Variants in GPC5 observed in about 807,000 individuals in gnomAD.
GPC5 encodes the protein glypican-5.
In GPC5, 47 loss-of-function variants were observed where a neutral mutation model predicts 53.9. The observed-to-expected ratio is 0.87, with a 90% CI of 0.69 to 1.11. GPC5 has a LOEUF of 1.11. GPC5 is among the 50% of genes most tolerant of loss of function. GPC5 has a pLI of 0.00. For missense variants in GPC5, 748 were observed against 713.1 expected, an observed-to-expected ratio of 1.05 and a Z score of -0.56; for synonymous variants, 286 against 263.3, an observed-to-expected ratio of 1.09 and a Z score of -0.84.
Position 92,742,318 on chromosome 13 carries a change from T to C in GPC5, c.1562-123964T>C, listed in dbSNP as rs536632334. On this transcript the variant is annotated intron_variant, in intron 7 of 7. Transcript: ENST00000377067. ...GGTATCTCATTGTGGTTTTGATTTG[T>C]GTTTCTCTGATGGCCAGTGATGGTG... Among the ~76,000 whole-genome samples the C allele has an allele frequency of 9.2e-5, 14 of 152,136 alleles. 1 individual carries two copies. The East Asian group carries it at 1.9e-3, about 21-fold the overall frequency.
chr13:91,931,857 A>G (rs1206218103), intron 6 of GPC5, among the ~76,000 whole-genome samples: 3 of 151,972 alleles, frequency 2.0e-5, no homozygotes, highest in Non-Finnish European at 4.4e-5. Context: ...AGTCTCTGAA[A>G]TACCTGGGAG....
intron 2 of GPC5, among the ~76,000 whole-genome samples, chr13:91,666,140 A>C (rs1211378998): frequency 6.6e-6 from 1 of 152,178 alleles, no homozygotes; most frequent in African/African-American, 2.4e-5. Context: ...AGGGCCTTTA[A>C]ACTTCTGAAG....
At chr13:92,249,075 C>T (rs2042673750) in intron 7 of GPC5, among the ~76,000 whole-genome samples, 1 of 151,844 alleles carries the variant, frequency 6.6e-6, no homozygotes, top group Non-Finnish European at 1.5e-5. Context: ...TTATGGGGTA[C>T]ATGAGATATT....
intron 2 of GPC5, among the ~76,000 whole-genome samples, chr13:91,472,856 G>T (rs1882710793): frequency 6.6e-6 from 1 of 152,120 alleles, no homozygotes; most frequent in South Asian, 2.1e-4. Context: ...GAGTGAACTT[G>T]TTATCATTTT....
chr13:92,707,071 C>A (rs1887976915), intron 7 of GPC5, among the ~76,000 whole-genome samples: 1 of 152,208 alleles, frequency 6.6e-6, no homozygotes, highest in South Asian at 2.1e-4. Context: ...ATGGTGGCAC[C>A]CTAATCTTGG....
intron 7 of GPC5, among the ~76,000 whole-genome samples, chr13:92,535,118 T>C (rs1289797500): frequency 3.3e-5 from 5 of 152,130 alleles, no homozygotes; most frequent in Non-Finnish European, 7.4e-5. Context: ...TTCTGGGAAA[T>C]GTCACAGACT....
chr13:92,068,241 A>G (rs1017039707), intron 6 of GPC5, among the ~76,000 whole-genome samples: 2 of 151,954 alleles, frequency 1.3e-5, no homozygotes, highest in Non-Finnish European at 2.9e-5. Flanking sequence ...ATATTCAAAA[A>G]GAAAAACTTT....
At position 91,405,730 on chromosome 13, in the gene GPC5, A is replaced by G. The variant is rs79075711; in HGVS notation, c.163+6521A>G. ...GCAGTCAAGCAGGATCCTACACTCC[A>G]ATGAACCGTGTGGTTGGTTTAATGT... is the stretch of plus-strand genomic sequence containing the variant. On this transcript the variant is annotated intron_variant, in intron 1 of 7. Coordinates refer to ENST00000377067, the MANE Select transcript of GPC5 (RefSeq NM_004466.6). 5.2e-3 allele frequency among the ~76,000 whole-genome samples: 797 copies of G among 152,184 alleles called. 10 individuals carry two copies. Among genetic ancestry groups the G allele is most frequent in the African/African-American group, 0.019 (775 of 41,540 alleles).
chr13:92,182,043 C>T (rs1295308436), intron 7 of GPC5, among the ~76,000 whole-genome samples: 2 of 152,080 alleles, frequency 1.3e-5, no homozygotes, highest in Admixed American at 6.6e-5. Flanking sequence ...AGAACTTTTC[C>T]TTCAATAAAA....
intron 6 of GPC5, among the ~76,000 whole-genome samples, chr13:92,141,188 T>C (rs190883128): frequency 1.3e-5 from 2 of 152,236 alleles, no homozygotes; most frequent in South Asian, 2.1e-4. Context: ...TTTATTACAA[T>C]ATGAGAGTGA....
At chr13:92,558,717 A>G (rs1261266163) in intron 7 of GPC5, among the ~76,000 whole-genome samples, 1 of 152,038 alleles carries the variant, frequency 6.6e-6, no homozygotes, top group Non-Finnish European at 1.5e-5. Flanking sequence ...GAAACAAAGC[A>G]AACTGTTGCT....
chr13:92,741,730 T>G (rs1011488299), intron 7 of GPC5, among the ~76,000 whole-genome samples: 1 of 151,942 alleles, frequency 6.6e-6, no homozygotes, highest in Non-Finnish European at 1.5e-5. Flanking sequence ...ATGCTATCCC[T>G]CCCCTCTCCC....
At chr13:91,548,205 T>C (rs990002418) in intron 2 of GPC5, among the ~76,000 whole-genome samples, 38 of 152,286 alleles carry the variant, frequency 2.5e-4, no homozygotes, top group African/African-American at 8.9e-4. Context: ...ATCATCTATG[T>C]AGGAAATCCA....
At chr13:92,319,610 T>C (rs9584016) in intron 7 of GPC5, among the ~76,000 whole-genome samples, 15,326 of 152,110 alleles carry the variant, frequency 0.1, 1,087 homozygotes, top group African/African-American at 0.21. Flanking sequence ...CTGAACCTTC[T>C]CAGGGTAGCA....
intron 7 of GPC5, among the ~76,000 whole-genome samples, chr13:92,767,055 G>T (rs1464674106): frequency 6.6e-6 from 1 of 152,190 alleles, no homozygotes; most frequent in African/African-American, 2.4e-5. Context: ...TGTGTATCTG[G>T]TCAAGAATTG....
At chr13:91,595,307 C>T (rs554189559) in intron 2 of GPC5, among the ~76,000 whole-genome samples, 15 of 152,202 alleles carry the variant, frequency 9.9e-5, no homozygotes, top group African/African-American at 3.1e-4. Flanking sequence ...AGGCACCGTG[C>T]CCGGCCCCTT....
chr13:92,006,802 T>C (rs116081318), intron 6 of GPC5, among the ~76,000 whole-genome samples: 2,103 of 152,230 alleles, frequency 0.014, 48 homozygotes, highest in African/African-American at 0.047. Flanking sequence ...GTATATTCTT[T>C]GCCTAATTTT....
rs893659320 is a variant in GPC5 at position 91,820,894 on chromosome 13, C to T, written c.1280+64474C>T. On this transcript the variant is annotated intron_variant, in intron 5 of 7. Transcript: ENST00000377067. The stretch of plus-strand genomic sequence containing the variant: ...AGGAGAATGGCATGAACCCGGGAAG[C>T]GGAGCTTGCAGTGAGCTGAGATCGT... Among the ~76,000 whole-genome samples the T allele has an allele frequency of 2.6e-5, 4 of 151,540 alleles. No homozygotes were observed. In the South Asian group the frequency reaches 6.2e-4, roughly 24 times the overall value.
At chr13:92,852,806 AG>A (rs1290010710) in intron 7 of GPC5, among the ~76,000 whole-genome samples, 1 of 152,160 alleles carries the variant, frequency 6.6e-6, no homozygotes, top group African/African-American at 2.4e-5. Flanking sequence ...TGAGCTTTGA[AG>A]CATATATTGA....
Sources: gnomAD v4.1 joint callset for allele counts (sites outside exome capture counted in the v4.1 genomes callset) on GRCh38, gnomAD v4.1.1 for gene constraint, MANE v1.5 for transcripts, NCBI Gene and HGNC (gene_info 2026-07-23, HGNC 2026-07-21) for gene names.